CCNL1: variants seen among roughly 807,000 people sequenced by gnomAD.
The protein encoded by CCNL1 is cyclin-L1.
A neutral mutation model predicts 60.6 loss-of-function variants in CCNL1; 13 were observed. The ratio of observed to expected loss-of-function variants is 0.21; its 90% CI spans 0.14 to 0.34. The LOEUF is 0.34. Among genes scored for constraint, CCNL1 ranks in the 10% least tolerant of loss-of-function variants. The pLI is 1.00. For synonymous variants in CCNL1, 270 were observed against 244.3 expected, an observed-to-expected ratio of 1.10 and a Z score of -0.98; for missense variants, 481 against 664.3, an observed-to-expected ratio of 0.72 and a Z score of 3.03.
chr3:157,150,736 T>A (rs1208030470), intron 5 of CCNL1: 1 of 1,015,212 alleles, frequency 9.9e-7, no homozygotes, highest in East Asian at 9.1e-5. Context: ...ACTCCAATAA[T>A]ACTTCAAGCC....
rs574096860 is a variant in CCNL1 at position 157,153,476 on chromosome 3, T to C, written c.489-320A>G. 8 of 189,246 alleles carry C rather than the reference T, an allele frequency of 4.2e-5. No homozygotes were observed. The East Asian group carries it at 4.5e-4, about 11-fold the overall frequency. The allele number at this position is 189,246 out of a possible 1,614,324, so 11.7% of individuals were successfully genotyped here. On this transcript the variant is annotated intron_variant, in intron 3 of 10. Transcript: ENST00000295926. ...ATATATATGTATTTAACTTTAACGA[T>C]AGCATGATTTGTCATCACAAACCTC... is the stretch of plus-strand genomic sequence containing the variant.
intron 2 of CCNL1, 127 bp from the exon 3 acceptor site, chr3:157,159,102 C>G: frequency 4.4e-6 from 3 of 675,418 alleles, no homozygotes; most frequent in Non-Finnish European, 7.7e-6. Context: ...GTAAGTCTAC[C>G]AGCTATGCTA....
intron 3 of CCNL1, among the ~76,000 whole-genome samples, chr3:157,155,433 C>A (rs970892229): frequency 3.9e-5 from 6 of 152,006 alleles, no homozygotes; most frequent in Admixed American, 3.9e-4. Context: ...GTCAAAATGC[C>A]AATGACATCA....
At chr3:157,159,695 G>A in intron 1 of CCNL1, 97 bp downstream of exon 1, 1 of 1,223,190 alleles carries the variant, frequency 8.2e-7, no homozygotes, top group South Asian at 1.6e-5. Flanking sequence ...TGAAGGAACC[G>A]TCCCCACCCT....
In CCNL1 at chr3:157,148,262, T is replaced by A; in HGVS notation, c.1560A>T (p.Gly520=). 6.2e-7 allele frequency: 1 copy of A among 1,614,100 alleles called. No individual in the cohort carries two copies. The highest frequency in any genetic ancestry group is 8.5e-7 in the Non-Finnish European group (1 of 1,179,958). Residue 520 remains glycine (G), a synonymous_variant, in exon 11 of 11, where the codon GGA becomes GGT. Transcript: ENST00000295926. ...KSKHHGGSRS[G]HGRHRR ...AAAGTCAGCGCCTGTGCCTGCCATG[T>A]CCTGAGCGACTGCCACCATGGTGCT...
At chr3:157,144,935 C>A (rs540229355), downstream of CCNL1, among the ~76,000 whole-genome samples, 8 of 152,246 alleles carry the variant, frequency 5.3e-5, no homozygotes, top group African/African-American at 1.7e-4. Context: ...TTGATGCAGA[C>A]TGTGGTGTTA....
In CCNL1 at chr3:157,148,280, A is replaced by G. The variant is rs1166426217; in HGVS notation, c.1542T>C (p.His514=). 7 of 1,614,158 alleles carry G rather than the reference A, an allele frequency of 4.3e-6. No homozygotes were observed. The Admixed American group carries it at 1.2e-4, about 27-fold the overall frequency. The change falls in exon 11 of 11, where the codon CAT becomes CAC. Residue 514 remains histidine, a synonymous_variant. Coordinates refer to ENST00000295926, the MANE Select transcript of CCNL1 (RefSeq NM_020307.4). ...SFERSHKSKH[H]GGSRSGHGRH... ...TGCCATGTCCTGAGCGACTGCCACC[A>G]TGGTGCTTGCTTTTATGGGACCTCT...
intron 10 of CCNL1, 108 bp from the exon 11 acceptor site, chr3:157,148,697 C>T (rs1260758525): frequency 8.4e-6 from 8 of 948,436 alleles, no homozygotes; most frequent in Non-Finnish European, 1.2e-5. Flanking sequence ...ACATAAATGA[C>T]AAACCAGAAC....
chr3:157,159,587 C>G, intron 1 of CCNL1, 108 bp from the exon 2 acceptor site: 13 of 1,143,090 alleles, frequency 1.1e-5, no homozygotes, highest in Non-Finnish European at 1.5e-5. Flanking sequence ...CCGCCGCCGC[C>G]GCCGCTGCGA....
chr3:157,145,986 G>A (rs1737773623), downstream of CCNL1, among the ~76,000 whole-genome samples: 3 of 152,162 alleles, frequency 2.0e-5, no homozygotes, highest in Non-Finnish European at 2.9e-5. Flanking sequence ...ACTGACAGGG[G>A]TAGTATGGCA....
chr3:157,158,685 T>G, intron 3 of CCNL1, 181 bp downstream of exon 3: 2 of 488,016 alleles, frequency 4.1e-6, no homozygotes, highest in Non-Finnish European at 7.3e-6. Flanking sequence ...AACCGGTTAA[T>G]TATGTTTCTT....
At chr3:157,149,766 A>G in intron 8 of CCNL1, 70 bp downstream of exon 8, 1 of 1,554,858 alleles carries the variant, frequency 6.4e-7, no homozygotes, top group East Asian at 2.3e-5. Flanking sequence ...CAACTTTCAA[A>G]TGTAAAAGCT....
Position 157,148,550 on chromosome 3 carries a change from C to T in CCNL1, c.1272G>A (p.Ser424=), listed in dbSNP as rs181135757. 3.2e-5 allele frequency: 51 copies of T among 1,613,904 alleles called. No homozygotes were observed. The highest frequency in any genetic ancestry group is 1.6e-4 in the East Asian group (7 of 44,884). Reference sequence around the variant, plus strand: ...GACTGCGGGACCTGCTTCTTGATCTCGAGCTGTATGTTCCAGATCGACTCC... The same window carrying T: ...GACTGCGGGACCTGCTTCTTGATCTTGAGCTGTATGTTCCAGATCGACTCC... ...NRRSRSGTYS[S]RSRSRSRSHS... The change falls in exon 11 of 11, where the codon TCG becomes TCA. Residue 424 remains serine, a synonymous_variant. Coordinates refer to ENST00000295926, the MANE Select transcript of CCNL1 (RefSeq NM_020307.4).
At chr3:157,155,111 GAT>G (rs1347720615) in intron 3 of CCNL1, among the ~76,000 whole-genome samples, 1 of 152,090 alleles carries the variant, frequency 6.6e-6, no homozygotes, top group African/African-American at 2.4e-5. Flanking sequence ...GTCATTAAGA[GAT>G]AAAATAGCTC....
downstream of CCNL1, among the ~76,000 whole-genome samples, chr3:157,143,993 A>G (rs1737714388): frequency 6.6e-6 from 1 of 152,212 alleles, no homozygotes; most frequent in Non-Finnish European, 1.5e-5. Flanking sequence ...AAGGCATGAC[A>G]GACAGAAATC....
chr3:157,144,813 T>C (rs190430700), downstream of CCNL1, among the ~76,000 whole-genome samples: 13 of 152,372 alleles, frequency 8.5e-5, no homozygotes, highest in African/African-American at 2.4e-4. Flanking sequence ...GAAACTTATC[T>C]TCATAATCTA....
At chr3:157,154,877 T>C (rs1237480709) in intron 3 of CCNL1, among the ~76,000 whole-genome samples, 1 of 152,126 alleles carries the variant, frequency 6.6e-6, no homozygotes, top group Non-Finnish European at 1.5e-5. Flanking sequence ...AATTGCTCTT[T>C]GGAAAATAAG....
chr3:157,152,045 AAAAAC>A, intron 5 of CCNL1, 127 bp downstream of exon 5: 1 of 1,487,074 alleles, frequency 6.7e-7, no homozygotes, highest in Non-Finnish European at 8.9e-7. Flanking sequence ...TTTTGGTTAA[AAAAAC>A]AAAACAAAAA....
rs1577080981 is a variant in CCNL1, at chr3:157,158,944, G to A, written c.410C>T (p.Ser137Leu). 1.2e-6 allele frequency: 2 copies of A among 1,613,110 alleles called. No homozygotes were observed. The highest frequency in any genetic ancestry group is 8.5e-7 in the Non-Finnish European group (1 of 1,179,528). ...TCTTCTAGGTGCTTCTTCGATTTTTGATGCAAGATTAATACAAGCCATAGC... is the reference window on the plus strand; with the variant it reads ...TCTTCTAGGTGCTTCTTCGATTTTTAATGCAAGATTAATACAAGCCATAGC... ...IVAMACINLA[S>L]KIEEAPRRIR... Residue 137 changes from serine (S) to leucine (L), a missense_variant, in exon 3 of 11, where the codon TCA becomes TTA. Ser to Leu is a moderately radical substitution (Grantham distance 145, BLOSUM62 -2). Coordinates refer to ENST00000295926, the MANE Select transcript of CCNL1 (RefSeq NM_020307.4).
Sources: allele counts gnomAD v4.1 joint callset (sites outside exome capture counted in the v4.1 genomes callset), GRCh38; gene constraint gnomAD v4.1.1; transcripts MANE v1.5; gene names NCBI Gene and HGNC (gene_info 2026-07-23, HGNC 2026-07-21).